CLEC17A: variants seen among roughly 807,000 people sequenced by gnomAD.
CLEC17A encodes C-type lectin domain containing 17A.
A neutral mutation model predicts 61.3 loss-of-function variants in CLEC17A; 37 were observed. That is an observed-to-expected ratio of 0.60 (90% CI 0.46 to 0.79). CLEC17A has a LOEUF of 0.79. Ranked by LOEUF, CLEC17A falls within the 30% of genes least tolerant of loss-of-function variation. The pLI is 0.00. For synonymous variants in CLEC17A, 168 were observed against 164.9 expected (o/e 1.02, Z -0.14); for missense variants, 418 against 464.7 (o/e 0.90, Z 0.92).
intron 12 of CLEC17A, among the ~76,000 whole-genome samples, chr19:14,603,611 C>T (rs1417028677): frequency 1.3e-5 from 2 of 151,888 alleles, no homozygotes; most frequent in African/African-American, 4.8e-5. Context: ...AGTCACGTGC[C>T]ACCACTCCCA....
intron 13 of CLEC17A, among the ~76,000 whole-genome samples, chr19:14,609,649 C>T (rs2074996180): frequency 6.6e-6 from 1 of 151,010 alleles, no homozygotes; most frequent in African/African-American, 2.4e-5. Flanking sequence ...ACCAGCCTGG[C>T]CAACATGGTG....
At chr19:14,602,027 G>A (rs942116236) in intron 12 of CLEC17A, among the ~76,000 whole-genome samples, 1 of 151,900 alleles carries the variant, frequency 6.6e-6, no homozygotes, top group East Asian at 1.9e-4. Flanking sequence ...CTCCTGACCT[G>A]GTGATCTGCC....
rs371871014 is a variant in CLEC17A at position 14,595,303 on chromosome 19, C to A, written c.433C>A (p.Pro145Thr). Residue 145 changes from proline (P) to threonine (T), a missense_variant, in exon 8 of 14, where the codon CCA becomes ACA. Coordinates refer to ENST00000417570, the MANE Select transcript of CLEC17A (RefSeq NM_001204118.2). Reference protein sequence around the residue: ...AVNLEPSPLQPSLAATPVPWL... With the variant: ...AVNLEPSPLQTSLAATPVPWL... The stretch of plus-strand genomic sequence containing the variant: ...GAATCTTGAGCCTTCTCCATTGCAG[C>A]CATCCCTGGCCGGTAAGTGTCCTCC... The A allele has an allele frequency of 2.5e-6, 4 of 1,613,932 alleles. No homozygotes were observed. In the South Asian group the frequency reaches 3.3e-5, roughly 13 times the overall value.
At chr19:14,606,536 C>T (rs1018202100) in intron 12 of CLEC17A, among the ~76,000 whole-genome samples, 5 of 151,844 alleles carry the variant, frequency 3.3e-5, no homozygotes, top group Admixed American at 6.6e-5. Flanking sequence ...AAAAATTAGC[C>T]GGGCGTGGTG....
At chr19:14,587,836 A>G in intron 3 of CLEC17A, 145 bp downstream of exon 3, 1 of 1,503,002 alleles carries the variant, frequency 6.7e-7, no homozygotes, top group South Asian at 1.3e-5. Flanking sequence ...CCTGCCCAGG[A>G]GGACCTGTCA....
chr19:14,596,207 T>C (rs2074548435), intron 8 of CLEC17A, among the ~76,000 whole-genome samples: 1 of 151,994 alleles, frequency 6.6e-6, no homozygotes, highest in African/African-American at 2.4e-5. Flanking sequence ...TAGAAGATGA[T>C]GCATCATAGA....
At chr19:14,583,029 A>G (rs1036102033), upstream of CLEC17A, 12 of 914,082 alleles carry the variant, frequency 1.3e-5, no homozygotes, top group African/African-American at 2.0e-4. Flanking sequence ...CTTCCTGTCA[A>G]AATGAATTTG....
Position 14,587,696 on chromosome 19 carries a change from G to A in CLEC17A, c.199+5G>A. 1 of 1,609,012 alleles carries A rather than the reference G, an allele frequency of 6.2e-7. No homozygotes were observed. Among genetic ancestry groups the A allele is most frequent in the Non-Finnish European group, 8.5e-7 (1 of 1,177,658 alleles). Reference sequence around the variant, plus strand: ...AGGACCTTCCTCCCAAGCCAGGTAAGAGGACTTTTTGGAGTGTGACCTGGG... The same window carrying A: ...AGGACCTTCCTCCCAAGCCAGGTAAAAGGACTTTTTGGAGTGTGACCTGGG... On this transcript the variant is annotated splice_donor_5th_base_variant and intron_variant, in intron 3 of 13. Coordinates refer to ENST00000417570, the MANE Select transcript of CLEC17A (RefSeq NM_001204118.2).
chr19:14,591,498 G>A (rs1353688049), intron 3 of CLEC17A, among the ~76,000 whole-genome samples: 2 of 151,156 alleles, frequency 1.3e-5, no homozygotes, highest in African/African-American at 4.9e-5. Flanking sequence ...AGGCTGGAGT[G>A]CAGTGGCGCT....
rs2074564105 is a variant in CLEC17A, at chr19:14,596,868, C to T, written c.446-8C>T. The T allele has an allele frequency of 6.2e-7, 1 of 1,608,128 alleles. No homozygotes were observed. The highest frequency in any genetic ancestry group is 8.5e-7 in the Non-Finnish European group (1 of 1,177,670). On this transcript the variant is annotated splice_polypyrimidine_tract_variant and splice_region_variant and intron_variant, in intron 8 of 13. Coordinates refer to ENST00000417570, the MANE Select transcript of CLEC17A (RefSeq NM_001204118.2). ...ATCAGTCTCTCTGTTCCCATCCCCACTCCCCAGCAACTCCAGTCCCCTGGC... is the reference window on the plus strand; with the variant it reads ...ATCAGTCTCTCTGTTCCCATCCCCATTCCCCAGCAACTCCAGTCCCCTGGC...
At position 14,596,874 on chromosome 19, in the gene CLEC17A, A is replaced by G. The variant is rs1307469966; in HGVS notation, c.446-2A>G. On this transcript the variant is annotated splice_acceptor_variant, in intron 8 of 13. Transcript: ENST00000417570. LOFTEE classifies it high-confidence loss of function. ...CTCTCTGTTCCCATCCCCACTCCCC[A>G]GCAACTCCAGTCCCCTGGCTCAATC... is the stretch of plus-strand genomic sequence containing the variant. The G allele has an allele frequency of 1.9e-6, 3 of 1,608,384 alleles. No individual in the cohort carries two copies. The East Asian group carries it at 6.7e-5, about 36-fold the overall frequency.
chr19:14,591,069 C>T (rs2074401482), intron 3 of CLEC17A, among the ~76,000 whole-genome samples: 1 of 151,972 alleles, frequency 6.6e-6, no homozygotes, highest in Admixed American at 6.6e-5. Flanking sequence ...TCCATCTCTT[C>T]CACCCAGGAC....
At chr19:14,591,247 C>T (rs1353236460) in intron 3 of CLEC17A, among the ~76,000 whole-genome samples, 14 of 141,478 alleles carry the variant, frequency 9.9e-5, no homozygotes, top group Admixed American at 5.6e-4. Context: ...CTCCGCCTCC[C>T]AGGTTCACGC....
chr19:14,608,168 G>A (rs1599582569), intron 13 of CLEC17A, among the ~76,000 whole-genome samples: 1 of 152,110 alleles, frequency 6.6e-6, no homozygotes, highest in Non-Finnish European at 1.5e-5. Context: ...CACCACACCT[G>A]GCCTCTACTA....
chr19:14,603,578 G>A (rs1220968190), intron 12 of CLEC17A, among the ~76,000 whole-genome samples: 1 of 151,902 alleles, frequency 6.6e-6, no homozygotes, highest in Non-Finnish European at 1.5e-5. Flanking sequence ...TCCTGATTTA[G>A]CCTCCCAAGT....
Position 14,610,278 on chromosome 19 carries a change from CT to C in CLEC17A, c.*83del. The C allele has an allele frequency of 1.3e-6, 2 of 1,518,586 alleles. No individual in the cohort carries two copies. The highest frequency in any genetic ancestry group is 1.8e-6 in the Non-Finnish European group (2 of 1,136,428). The allele number at this position is 1,518,586 out of a possible 1,614,324, so 94.1% of individuals were successfully genotyped here. A position where few individuals can be genotyped will look rare whatever the true frequency, so the allele number is the denominator to read the frequency against. On this transcript the variant is annotated 3_prime_UTR_variant, in exon 14 of 14. Transcript: ENST00000417570. ...CCTGCCCTTTCGTGGACGGCCTTGCCTCTTCGTGAGTGGACACACAGATGTG... is the reference window on the plus strand; with the variant it reads ...CCTGCCCTTTCGTGGACGGCCTTGCCCTTCGTGAGTGGACACACAGATGTG...
chr19:14,606,308 G>A (rs894438694), intron 12 of CLEC17A, among the ~76,000 whole-genome samples: 7 of 151,498 alleles, frequency 4.6e-5, no homozygotes, highest in Admixed American at 2.0e-4. Flanking sequence ...GTGACCTTTG[G>A]GACATGCAGT....
chr19:14,603,523 G>A (rs147849527), intron 12 of CLEC17A, among the ~76,000 whole-genome samples: 9 of 152,150 alleles, frequency 5.9e-5, no homozygotes, highest in African/African-American at 2.2e-4. Flanking sequence ...GCAGTGGCAT[G>A]ATCTTGGCTC....
chr19:14,583,185 G>A lies in CLEC17A; in HGVS notation c.25G>A (p.Gly9Arg), dbSNP rs753870592. Residue 9 changes from glycine to arginine, a missense_variant, in exon 1 of 14, where the codon GGG (glycine) becomes AGG (arginine). By Grantham distance (125) the Gly-to-Arg change is moderately radical. Transcript: ENST00000417570. MHNLYSIT[G>R]YPDPPGTMEE... Reference sequence around the variant, plus strand: ...CATGCATAATCTGTATTCCATCACTGGGTACCCGGACCCACCAGGTAAGGC... The same window carrying A: ...CATGCATAATCTGTATTCCATCACTAGGTACCCGGACCCACCAGGTAAGGC... 6.2e-7 allele frequency: 1 copy of A among 1,613,912 alleles called. No homozygotes were observed. Among genetic ancestry groups the A allele is most frequent in the South Asian group, 1.1e-5 (1 of 91,068 alleles).
Sources: gnomAD v4.1 joint callset for allele counts (sites outside exome capture counted in the v4.1 genomes callset) on GRCh38, gnomAD v4.1.1 for gene constraint, MANE v1.5 for transcripts, NCBI Gene and HGNC (gene_info 2026-07-23, HGNC 2026-07-21) for gene names.